Variants in SEMA3D observed in about 807,000 individuals in gnomAD.
SEMA3D encodes the protein semaphorin 3D, also known as semaphorin-3D.
In SEMA3D, 84 loss-of-function variants were observed where a neutral mutation model predicts 100.1. That is an observed-to-expected ratio of 0.84 (90% CI 0.70 to 1.01). The LOEUF is 1.01. Ranked by LOEUF, SEMA3D falls within the 50% of genes least tolerant of loss-of-function variation. The probability of loss-of-function intolerance (pLI) is 0.00; values close to 1 mark genes in which losing one functional copy is unlikely to be tolerated. For synonymous variants in SEMA3D, 312 were observed against 320.7 expected (o/e 0.97, Z 0.29); for missense variants, 875 against 934.1 (o/e 0.94, Z 0.82).
chr7:85,141,314 A>C (rs1394648938), intron 2 of SEMA3D: 1 of 984,528 alleles, frequency 1.0e-6, no homozygotes, highest in African/African-American at 1.7e-5. Context: ...CATTGTCAAA[A>C]ACTTAATAAT....
At chr7:85,025,487 G>C (rs888979644) in intron 12 of SEMA3D, among the ~76,000 whole-genome samples, 32 of 152,068 alleles carry the variant, frequency 2.1e-4, no homozygotes, top group Middle Eastern at 6.8e-3. Flanking sequence ...TAGTGGAATG[G>C]GAAGCAATGG....
chr7:85,197,278 T>C, the SEMA3D span, among the ~76,000 whole-genome samples: 2 of 152,092 alleles, frequency 1.3e-5, no homozygotes, highest in South Asian at 2.1e-4. Flanking sequence ...AATATCTGAA[T>C]AGGAAACAGT....
At chr7:85,124,155 T>A (rs1455641701) in intron 2 of SEMA3D, among the ~76,000 whole-genome samples, 1 of 151,936 alleles carries the variant, frequency 6.6e-6, no homozygotes, top group Non-Finnish European at 1.5e-5. Context: ...CAGAAAAAAA[T>A]TTATCAGATT....
chr7:85,220,824 T>C, the SEMA3D span, among the ~76,000 whole-genome samples: 2 of 152,114 alleles, frequency 1.3e-5, no homozygotes, highest in Non-Finnish European at 2.9e-5. Context: ...CAGAGTTATC[T>C]CTTAAACTGA....
the SEMA3D span, among the ~76,000 whole-genome samples, chr7:85,192,312 A>T: frequency 1.2e-4 from 19 of 152,044 alleles, no homozygotes; most frequent in Non-Finnish European, 2.5e-4. Context: ...AAGGCTTAAA[A>T]CAAGCCAGGT....
Position 85,068,060 on chromosome 7 carries a change from A to G in SEMA3D, c.589+131T>C, listed in dbSNP as rs1791674540. 8.1e-6 allele frequency: 5 copies of G among 620,972 alleles called. No homozygotes were observed. The Admixed American group carries it at 1.4e-4, about 18-fold the overall frequency. 38.5% of individuals were successfully genotyped at this position (620,972 alleles called of 1,614,324 possible). A position where few individuals can be genotyped will look rare whatever the true frequency, so the allele number is the denominator to read the frequency against. ...CAGTACAGACAAATTTGGCACTAAA[A>G]TAATGGAAACAAATCGCTTGTGGAA... is the stretch of plus-strand genomic sequence containing the variant. On this transcript the variant is annotated intron_variant, in intron 7 of 18. Coordinates refer to ENST00000284136, the MANE Select transcript of SEMA3D (RefSeq NM_001384900.1).
intron 4 of SEMA3D, among the ~76,000 whole-genome samples, chr7:85,086,342 T>A (rs80148138): frequency 0.039 from 5,902 of 152,164 alleles, 360 homozygotes; most frequent in African/African-American, 0.13. Flanking sequence ...AGATTTTTTT[T>A]AAATATTCAT....
At chr7:85,144,020 T>C (rs1331029369) in intron 2 of SEMA3D, among the ~76,000 whole-genome samples, 1 of 152,056 alleles carries the variant, frequency 6.6e-6, no homozygotes, top group African/African-American at 2.4e-5. Context: ...CCGAGACTTG[T>C]AATTTTAAAT....
At chr7:85,119,126 C>T (rs946165547) in intron 3 of SEMA3D, among the ~76,000 whole-genome samples, 1 of 152,070 alleles carries the variant, frequency 6.6e-6, no homozygotes, top group Non-Finnish European at 1.5e-5. Context: ...CAGATGCTGG[C>T]AAGGTTGTGG....
intron 9 of SEMA3D, among the ~76,000 whole-genome samples, chr7:85,045,905 A>G (rs1391341257): frequency 6.6e-6 from 1 of 151,922 alleles, no homozygotes; most frequent in East Asian, 1.9e-4. Flanking sequence ...GAAGAGCACT[A>G]GTAAAAACAT....
intron 1 of SEMA3D, among the ~76,000 whole-genome samples, chr7:85,173,575 G>C (rs1287220476): frequency 3.3e-5 from 5 of 152,082 alleles, no homozygotes; most frequent in African/African-American, 1.2e-4. Context: ...AAACTCAGTA[G>C]ATAAAAAATA....
intron 2 of SEMA3D, among the ~76,000 whole-genome samples, chr7:85,136,627 G>T (rs1184727893): frequency 6.6e-6 from 1 of 151,894 alleles, no homozygotes; most frequent in Non-Finnish European, 1.5e-5. Flanking sequence ...AATATTAAAG[G>T]AAAGTAAAAT....
intron 5 of SEMA3D, among the ~76,000 whole-genome samples, chr7:85,077,104 T>TA (rs558239429): frequency 0.64 from 79,395 of 124,206 alleles, 26,524 homozygotes; most frequent in East Asian, 0.96. Context: ...AGACTCCGTC[T>TA]AAAAAAAAAA....
intron 2 of SEMA3D, among the ~76,000 whole-genome samples, chr7:85,122,825 T>G (rs1200768297): frequency 6.6e-6 from 1 of 151,844 alleles, no homozygotes; most frequent in African/African-American, 2.4e-5. Context: ...AATATAAGGG[T>G]TTATAAGAGG....
At chr7:85,158,951 C>T (rs1204588241) in intron 1 of SEMA3D, among the ~76,000 whole-genome samples, 1 of 152,056 alleles carries the variant, frequency 6.6e-6, no homozygotes, top group Non-Finnish European at 1.5e-5. Flanking sequence ...CCACAAATTC[C>T]TCATTGTGAC....
chr7:85,168,878 A>AAAAG (rs1299034860), intron 1 of SEMA3D, among the ~76,000 whole-genome samples: 80 of 138,146 alleles, frequency 5.8e-4, no homozygotes, highest in African/African-American at 2.0e-3. Context: ...AGAAAGAAAG[A>AAAAG]AAAGAAAGAA....
intron 2 of SEMA3D, among the ~76,000 whole-genome samples, chr7:85,146,659 T>C (rs1790214817): frequency 6.6e-6 from 1 of 151,906 alleles, no homozygotes. Context: ...AAATAAAAAC[T>C]AGCCTAATAG....
At chr7:85,179,344 G>A (rs1413905203) in intron 1 of SEMA3D, among the ~76,000 whole-genome samples, 2 of 152,316 alleles carry the variant, frequency 1.3e-5, no homozygotes, top group Admixed American at 6.5e-5. Flanking sequence ...GAGTGGGGCT[G>A]TACCTTGCAA....
rs114922611 is a variant in SEMA3D, at chr7:85,120,757, C to T, written c.151+984G>A. Among the ~76,000 whole-genome samples, 795 of 149,888 alleles carry T rather than the reference C, an allele frequency of 5.3e-3. 6 individuals are homozygous for T. The highest frequency in any genetic ancestry group is 0.018 in the African/African-American group (740 of 40,740). The stretch of plus-strand genomic sequence containing the variant: ...TGTGATCAATTTTTCCAGATAAAAA[C>T]GTCCTAGATTACCAAAAAATATACT... On this transcript the variant is annotated intron_variant, in intron 3 of 18. Coordinates refer to ENST00000284136, the MANE Select transcript of SEMA3D (RefSeq NM_001384900.1).
Sources: allele counts gnomAD v4.1 joint callset (sites outside exome capture counted in the v4.1 genomes callset), GRCh38; gene constraint gnomAD v4.1.1; transcripts MANE v1.5; gene names NCBI Gene and HGNC (gene_info 2026-07-23, HGNC 2026-07-21).